Variants in LARP4B observed in about 807,000 individuals in gnomAD.
LARP4B encodes La ribonucleoprotein 4B.
Under a neutral mutation model 89.8 loss-of-function variants are expected in LARP4B, and 12 were observed. The ratio of observed to expected loss-of-function variants is 0.13; its 90% confidence interval spans 0.09 to 0.22. The LOEUF is 0.22. LARP4B is among the 10% of genes least tolerant of loss of function. The pLI is 1.00. For synonymous variants in LARP4B, 367 were observed against 363.3 expected (o/e 1.01, Z -0.12); for missense variants, 757 against 947.7 (o/e 0.80, Z 2.64).
chr10:885,924 A>T (rs1835843681), intron 1 of LARP4B, among the ~76,000 whole-genome samples, 164 bp from the exon 2 acceptor site: 1 of 152,224 alleles, frequency 6.6e-6, no homozygotes, highest in Admixed American at 6.5e-5. Flanking sequence ...CCAAGAAGTG[A>T]TACTTAATTT....
intron 6 of LARP4B, among the ~76,000 whole-genome samples, chr10:844,114 C>T (rs895586545): frequency 2.6e-5 from 4 of 152,236 alleles, no homozygotes; most frequent in Admixed American, 6.5e-5. Flanking sequence ...GCCGATCAAA[C>T]GGAGGCCATG....
intron 3 of LARP4B, among the ~76,000 whole-genome samples, chr10:867,743 C>A (rs947017988): frequency 1.3e-5 from 2 of 151,810 alleles, no homozygotes; most frequent in South Asian, 4.2e-4. Context: ...CACCTGTAAT[C>A]CCAGCTACTT....
At position 814,389 on chromosome 10, in the gene LARP4B, C is replaced by T. The variant is rs1186197886; in HGVS notation, c.1929+353G>A. 1 of 359,570 alleles carries T rather than the reference C, an allele frequency of 2.8e-6. No individual in the cohort carries two copies. The highest frequency in any genetic ancestry group is 5.6e-6 in the Non-Finnish European group (1 of 178,054). The allele number at this position is 359,570 out of a possible 1,614,324, so 22.3% of individuals were successfully genotyped here. ...GCTCTTCCTGTCTCTTCATCAGACA[C>T]ACGATGCGCGCGCACGCACGCAAAC... is the stretch of plus-strand genomic sequence containing the variant. On this transcript the variant is annotated intron_variant, in intron 17 of 17. Coordinates refer to ENST00000316157, the MANE Select transcript of LARP4B (RefSeq NM_015155.3). This position sits in a 1 kb window ranked among gnomAD's most constrained non-coding sequence, Gnocchi z 4.4.
chr10:945,762 T>C, the LARP4B span, among the ~76,000 whole-genome samples: 1 of 152,090 alleles, frequency 6.6e-6, no homozygotes, highest in African/African-American at 2.4e-5. Flanking sequence ...CACAAATTCA[T>C]GTTGATGCCT....
intron 1 of LARP4B, among the ~76,000 whole-genome samples, chr10:927,072 A>G (rs1038925234): frequency 2.0e-5 from 3 of 152,164 alleles, no homozygotes; most frequent in Non-Finnish European, 2.9e-5. Flanking sequence ...TTAAACATGA[A>G]ATACTTTCAA....
Position 881,490 on chromosome 10 carries a change from G to A in LARP4B, c.141+2957C>T, listed in dbSNP as rs547689876. 2.6e-5 allele frequency among the ~76,000 whole-genome samples: 4 copies of A among 152,182 alleles called. No individual in the cohort carries two copies. The South Asian group carries it at 8.3e-4, about 32-fold the overall frequency. On this transcript the variant is annotated intron_variant, in intron 3 of 17. Transcript: ENST00000316157. ...CCTGCCTCTATCTCCACCCCACACT[G>A]TCCTCTGGTTTTCCTCCCATCCCTC...
chr10:821,673 T>A (rs934499242), intron 13 of LARP4B, among the ~76,000 whole-genome samples: 2 of 152,238 alleles, frequency 1.3e-5, no homozygotes, highest in South Asian at 4.1e-4. Flanking sequence ...TAAGAAATAG[T>A]CTTGACTAAT....
At chr10:926,857 T>C (rs1837151286) in intron 1 of LARP4B, among the ~76,000 whole-genome samples, 1 of 152,196 alleles carries the variant, frequency 6.6e-6, no homozygotes, top group East Asian at 1.9e-4. Flanking sequence ...GCCAACACAG[T>C]GAAACCCAAT....
At chr10:827,489 T>G (rs2131646329) in intron 11 of LARP4B, among the ~76,000 whole-genome samples, 1 of 152,258 alleles carries the variant, frequency 6.6e-6, no homozygotes, top group South Asian at 2.1e-4. Context: ...CTATTATTAC[T>G]TGTTGGGGAT....
the LARP4B span, chr10:971,287 A>G: frequency 2.6e-5 from 4 of 152,214 alleles, no homozygotes; most frequent in Admixed American, 1.3e-4. Flanking sequence ...ATTAGCAAGT[A>G]TGACGTAATG....
In LARP4B at chr10:889,279, C is replaced by G. The variant is rs1356115030; in HGVS notation, c.-39-3519G>C. 5.3e-5 allele frequency among the ~76,000 whole-genome samples: 8 copies of G among 152,208 alleles called. No homozygotes were observed. The East Asian group carries it at 1.4e-3, about 26-fold the overall frequency. On this transcript the variant is annotated intron_variant, in intron 1 of 17. Transcript: ENST00000316157. Reference sequence around the variant, plus strand: ...ATTTCTCAACCTGCTTATTCCAGTTCAGGGTAACAGGTGGCCACAGCCTAT... The same window carrying G: ...ATTTCTCAACCTGCTTATTCCAGTTGAGGGTAACAGGTGGCCACAGCCTAT...
At chr10:869,747 AGTGG>A (rs1835099351) in intron 3 of LARP4B, among the ~76,000 whole-genome samples, 4 of 151,814 alleles carry the variant, frequency 2.6e-5, no homozygotes, top group Admixed American at 2.6e-4. Context: ...AGCCAGGTGT[AGTGG>A]CACATGCCTG....
At chr10:969,069 G>A in the LARP4B span, among the ~76,000 whole-genome samples, 1 of 152,316 alleles carries the variant, frequency 6.6e-6, no homozygotes, top group Middle Eastern at 3.4e-3. Context: ...AGTGCAGACT[G>A]AGATAAGGTA....
At chr10:950,160 T>C in the LARP4B span, among the ~76,000 whole-genome samples, 2 of 152,246 alleles carry the variant, frequency 1.3e-5, no homozygotes, top group Admixed American at 6.5e-5. Flanking sequence ...AGTCTGAATA[T>C]ATTCAGAATA....
intron 17 of LARP4B, among the ~76,000 whole-genome samples, chr10:813,637 A>C (rs997313213): frequency 2.2e-4 from 33 of 152,260 alleles, no homozygotes; most frequent in African/African-American, 7.0e-4. Context: ...CTCCAAAAAC[A>C]GTCTTTAAAT....
In LARP4B at chr10:829,450, G is replaced by A. The variant is rs1415501725; in HGVS notation, c.1060C>T (p.Pro354Ser). ...PPMYSPQQQF[P>S]LYSLITPQTW... ...TGGGGAGTGATCAGGCTGTACAGGG[G>A]GAACTGCTGCTGGGGGCTGTACATG... The change falls in exon 11 of 18, where the codon CCC (proline) becomes TCC (serine). Residue 354 changes from proline to serine, a missense_variant. This residue lies in a region of LARP4B where 137 missense variants were observed against 213.9 expected (regional missense o/e 0.64). Coordinates refer to ENST00000316157, the MANE Select transcript of LARP4B (RefSeq NM_015155.3). 6.2e-7 allele frequency: 1 copy of A among 1,614,186 alleles called. No individual in the cohort carries two copies. Among genetic ancestry groups the A allele is most frequent in the Non-Finnish European group, 8.5e-7 (1 of 1,180,026 alleles).
At chr10:867,124 G>C (rs17159964) in intron 3 of LARP4B, among the ~76,000 whole-genome samples, 1 of 152,212 alleles carries the variant, frequency 6.6e-6, no homozygotes, top group African/African-American at 2.4e-5. Flanking sequence ...CTACCTCTTA[G>C]TGAAGAAGTC....
At chr10:905,919 CCACTTCGT>C (rs532335799) in intron 1 of LARP4B, among the ~76,000 whole-genome samples, 44 of 152,330 alleles carry the variant, frequency 2.9e-4, no homozygotes, top group African/African-American at 1.0e-3. Flanking sequence ...CTACCCTCTT[CCACTTCGT>C]CACCTGCTTT....
rs116264360 is a variant in LARP4B at position 854,127 on chromosome 10, T to C, written c.431-9072A>G. Reference sequence around the variant, plus strand: ...AAGAAGCAAGTTTTACACATTCAAGTTGTACATGAGATTGCAGCAATTCAG... The same window carrying C: ...AAGAAGCAAGTTTTACACATTCAAGCTGTACATGAGATTGCAGCAATTCAG... On this transcript the variant is annotated intron_variant, in intron 5 of 17. Coordinates refer to ENST00000316157, the MANE Select transcript of LARP4B (RefSeq NM_015155.3). Among the ~76,000 whole-genome samples the C allele has an allele frequency of 1.4e-3, 207 of 152,358 alleles. 1 individual carries two copies. The highest frequency in any genetic ancestry group is 4.8e-3 in the African/African-American group (201 of 41,586).
Sources: allele counts gnomAD v4.1 joint callset (sites outside exome capture counted in the v4.1 genomes callset), GRCh38; gene constraint gnomAD v4.1.1; regional missense constraint gnomAD v4.1.1; non-coding constraint Gnocchi (gnomAD v3.1); transcripts MANE v1.5; gene names NCBI Gene and HGNC (gene_info 2026-07-23, HGNC 2026-07-21).